Variants in RBM34 observed in about 807,000 individuals in gnomAD.
RBM34 encodes RNA-binding protein 34.
In RBM34, 39 loss-of-function variants were observed where a neutral mutation model predicts 44.6. That is an observed-to-expected ratio of 0.87 (90% CI 0.68 to 1.14). The LOEUF is 1.14. Among genes scored for constraint, RBM34 ranks in the 50% most tolerant of loss-of-function variants. The probability of loss-of-function intolerance (pLI) is 0.00; values close to 1 mark genes in which losing one functional copy is unlikely to be tolerated. For missense variants in RBM34, 572 were observed against 517.9 expected, an observed-to-expected ratio of 1.10 and a Z score of -1.01; for synonymous variants, 194 against 184.0, an observed-to-expected ratio of 1.05 and a Z score of -0.44.
intron 5 of RBM34, among the ~76,000 whole-genome samples, chr1:235,150,992 G>A (rs986599474): frequency 1.3e-5 from 2 of 152,268 alleles, no homozygotes; most frequent in African/African-American, 4.8e-5. Context: ...AAGAGGTAAG[G>A]GTTCCGGGAA....
Position 235,135,756 on chromosome 1 carries a change from CAG to C in RBM34, c.902_903del (p.Ser301CysfsTer3). The stretch of plus-strand genomic sequence containing the variant: ...CAGTCCAGAAAGTGCTTCTCAATGG[CAG>C]ATTCTTCAACTTCTGAAAACAAATT... ...VGNLPYKVEE[S>X]AIEKHFLDCG... is the part of the protein sequence containing the mutation. On this transcript the variant is annotated frameshift_variant, in exon 10 of 11. Coordinates refer to ENST00000408888, the MANE Select transcript of RBM34 (RefSeq NM_015014.4). LOFTEE classifies it high-confidence loss of function. The C allele has an allele frequency of 6.2e-7, 1 of 1,613,792 alleles. No individual in the cohort carries two copies. The highest frequency in any genetic ancestry group is 8.5e-7 in the Non-Finnish European group (1 of 1,179,732).
chr1:235,160,394 T>A, intron 3 of RBM34, 117 bp downstream of exon 3: 3 of 1,334,032 alleles, frequency 2.2e-6, no homozygotes, highest in Admixed American at 4.0e-5. Flanking sequence ...GGATTTTCCA[T>A]AATAAAAGTT....
rs377595363 is a variant in RBM34, at chr1:235,135,266, T to C, written c.1008+386A>G. On this transcript the variant is annotated intron_variant, in intron 10 of 10. Transcript: ENST00000408888. ...CCCCTTGAGATGGAGTCTTGCTCTGTGGCCCAGGCTGGAGTGCAGTGGCAC... is the reference window on the plus strand; with the variant it reads ...CCCCTTGAGATGGAGTCTTGCTCTGCGGCCCAGGCTGGAGTGCAGTGGCAC... 2.3e-4 allele frequency among the ~76,000 whole-genome samples: 34 copies of C among 147,704 alleles called. 2 individuals carry two copies. In the South Asian group the frequency reaches 7.0e-3, roughly 30 times the overall value.
At position 235,154,903 on chromosome 1, in the gene RBM34, A is replaced by G. The variant is rs1662327792; in HGVS notation, c.575T>C (p.Leu192Ser). 6.2e-7 allele frequency: 1 copy of G among 1,613,880 alleles called. No homozygotes were observed. ...CACCTTCTTATTACATGTAACAGGC[A>G]AATTCCCAACAAACACAGTTCTCTC... ...KNERTVFVGN[L>S]PVTCNKKKLK... is the part of the protein sequence containing the mutation. The change falls in exon 4 of 11, where the codon TTG becomes TCG. Residue 192 changes from leucine to serine, a missense_variant. Coordinates refer to ENST00000408888, the MANE Select transcript of RBM34 (RefSeq NM_015014.4).
chr1:235,152,850 G>C, intron 4 of RBM34, 85 bp from the exon 5 acceptor site: 2 of 1,103,676 alleles, frequency 1.8e-6, no homozygotes, highest in African/African-American at 3.4e-5. Context: ...AAAATTGTCT[G>C]ATAATCCTCT....
In RBM34 at chr1:235,160,534, G is replaced by A. The variant is rs1662663492; in HGVS notation, c.342C>T (p.Asn114=). Residue 114 remains asparagine (N), a synonymous_variant, in exon 3 of 11, where the codon AAC becomes AAT. Coordinates refer to ENST00000408888, the MANE Select transcript of RBM34 (RefSeq NM_015014.4). Reference sequence around the variant, plus strand: ...ACCTGTCTGCCAACTTTTTTTCTGCGTTAGTGTGTTTCTTCTTCGCTTTCA... The same window carrying A: ...ACCTGTCTGCCAACTTTTTTTCTGCATTAGTGTGTTTCTTCTTCGCTTTCA... ...KKVKAKKKHT[N]AEKKLADRES... is the part of the protein sequence containing the mutation. The A allele has an allele frequency of 6.2e-7, 1 of 1,612,848 alleles. No homozygotes were observed. Among genetic ancestry groups the A allele is most frequent in the African/African-American group, 1.3e-5 (1 of 74,818 alleles).
rs780307563 is a variant in RBM34, at chr1:235,131,699, G to A, written c.*14C>T. Reference sequence around the variant, plus strand: ...GCAGTACTCAGCAGGAAAAGAAAAAGCAGTTCCTGGTTGTTATTTCTGTTT... The same window carrying A: ...GCAGTACTCAGCAGGAAAAGAAAAAACAGTTCCTGGTTGTTATTTCTGTTT... On this transcript the variant is annotated 3_prime_UTR_variant, in exon 11 of 11. Coordinates refer to ENST00000408888, the MANE Select transcript of RBM34 (RefSeq NM_015014.4). The A allele has an allele frequency of 6.3e-7, 1 of 1,576,016 alleles. No homozygotes were observed. The highest frequency in any genetic ancestry group is 8.6e-7 in the Non-Finnish European group (1 of 1,165,888).
chr1:235,141,518 G>A (rs1458138303), intron 6 of RBM34, among the ~76,000 whole-genome samples: 1 of 152,172 alleles, frequency 6.6e-6, no homozygotes, highest in African/African-American at 2.4e-5. Context: ...CAGGATGTGG[G>A]TGGGGCCAGA....
At chr1:235,143,795 A>C (rs1361889021) in intron 6 of RBM34, among the ~76,000 whole-genome samples, 1 of 152,202 alleles carries the variant, frequency 6.6e-6, no homozygotes, top group Non-Finnish European at 1.5e-5. Context: ...ACAACACAAT[A>C]AACAGGTGAA....
chr1:235,144,453 G>T (rs1175144216), intron 6 of RBM34, among the ~76,000 whole-genome samples: 1 of 142,484 alleles, frequency 7.0e-6, no homozygotes, highest in Non-Finnish European at 1.5e-5. Context: ...TTATAAAATT[G>T]TACATGTCAA....
intron 8 of RBM34, among the ~76,000 whole-genome samples, chr1:235,136,419 T>A (rs1355112207): frequency 6.6e-6 from 1 of 152,186 alleles, no homozygotes; most frequent in Non-Finnish European, 1.5e-5. Context: ...TACTCAACTC[T>A]GCCATTATAC....
rs369556503 is a variant in RBM34 at position 235,155,072 on chromosome 1, G to C, written c.406C>G (p.His136Asp). The C allele has an allele frequency of 1.5e-5, 25 of 1,613,704 alleles. No individual in the cohort carries two copies. The highest frequency in any genetic ancestry group is 1.9e-5 in the Non-Finnish European group (23 of 1,179,958). ...LASADLEEEI[H>D]QKQGQKRKNS... ...TTCCTTTTCTGCCCTTGTTTCTGGT[G>C]AATTTCTTCTTCTAAATCAGCACTC... The change falls in exon 4 of 11, where the codon CAC (histidine) becomes GAC (aspartate). Residue 136 changes from histidine (H) to aspartate (D), a missense_variant. Transcript: ENST00000408888.
chr1:235,153,369 CTT>C (rs1263162026), intron 4 of RBM34, among the ~76,000 whole-genome samples: 1 of 151,636 alleles, frequency 6.6e-6, no homozygotes, highest in Non-Finnish European at 1.5e-5. Context: ...TAAGGATAGA[CTT>C]ATAACTTCCA....
rs369954996 is a variant in RBM34, at chr1:235,138,105, C to T, written c.771G>A (p.Thr257=). 2.4e-5 allele frequency: 39 copies of T among 1,608,046 alleles called. No homozygotes were observed. The highest frequency in any genetic ancestry group is 1.6e-4 in the African/African-American group (12 of 74,474). Residue 257 remains threonine (T), a synonymous_variant, in exon 7 of 11, where the codon ACG becomes ACA. Coordinates refer to ENST00000408888, the MANE Select transcript of RBM34 (RefSeq NM_015014.4). ...GATAAAATTACCTTTTCAATGCTTGCGTGGCAGCACTCTCCTCCTTAAACA... is the reference window on the plus strand; with the variant it reads ...GATAAAATTACCTTTTCAATGCTTGTGTGGCAGCACTCTCCTCCTTAAACA... ...YVVFKEESAA[T]QALKRNGAQI... is the part of the protein sequence containing the mutation.
intron 10 of RBM34, among the ~76,000 whole-genome samples, chr1:235,132,467 C>T (rs1406708413): frequency 6.6e-6 from 1 of 152,110 alleles, no homozygotes; most frequent in Non-Finnish European, 1.5e-5. Context: ...GGCCAACATA[C>T]CCAGCTAATT....
At chr1:235,136,535 CAT>C (rs1203857068) in intron 8 of RBM34, among the ~76,000 whole-genome samples, 1 of 152,230 alleles carries the variant, frequency 6.6e-6, no homozygotes, top group Non-Finnish European at 1.5e-5. Flanking sequence ...GGCTCTCTGC[CAT>C]AGTTTGTTGA....
rs146601802 is a variant in RBM34, at chr1:235,139,156, A to C, written c.702-982T>G. 2.0e-5 allele frequency among the ~76,000 whole-genome samples: 3 copies of C among 152,180 alleles called. No homozygotes were observed. In the South Asian group the frequency reaches 6.2e-4, roughly 32 times the overall value. The stretch of plus-strand genomic sequence containing the variant: ...AATTTGGATGTGAGGAGTTAGCAAA[A>C]AGGACCTAGTAATGAACACAGATCT... On this transcript the variant is annotated intron_variant, in intron 6 of 10. Coordinates refer to ENST00000408888, the MANE Select transcript of RBM34 (RefSeq NM_015014.4).
chr1:235,153,441 TGAGACAG>T (rs1662252376), intron 4 of RBM34, among the ~76,000 whole-genome samples: 1 of 151,448 alleles, frequency 6.6e-6, no homozygotes. Flanking sequence ...TTTTTTTTTT[TGAGACAG>T]AGTCTCACTC....
intron 5 of RBM34, 148 bp from the exon 6 acceptor site, chr1:235,148,595 ATT>A (rs375944652): frequency 7.7e-3 from 2,698 of 348,926 alleles, no homozygotes; most frequent in South Asian, 0.012. Context: ...AACTGTCCTA[ATT>A]TTTTTTTTTT....
Sources: gnomAD v4.1 joint callset for allele counts (sites outside exome capture counted in the v4.1 genomes callset) on GRCh38, gnomAD v4.1.1 for gene constraint, MANE v1.5 for transcripts, NCBI Gene and HGNC (gene_info 2026-07-23, HGNC 2026-07-21) for gene names.